The following FBXO36 variants were observed in gnomAD, a reference collection of about 807,000 sequenced individuals.
FBXO36 encodes F-box only protein 36.
FBXO36 carries 18 observed loss-of-function variants against 17.0 expected under a neutral mutation model. The ratio of observed to expected loss-of-function variants is 1.06; its 90% CI spans 0.73 to 1.57. The LOEUF is 1.57. Among genes scored for constraint, FBXO36 ranks in the 40% most tolerant of loss-of-function variants. The probability of loss-of-function intolerance (pLI) is 0.00; values close to 1 mark genes in which losing one functional copy is unlikely to be tolerated. For synonymous variants in FBXO36, 83 were observed against 85.3 expected (o/e 0.97, Z 0.15); for missense variants, 229 against 221.9 (o/e 1.03, Z -0.20).
At chr2:229,981,376 A>G (rs1371980498) in intron 2 of FBXO36, among the ~76,000 whole-genome samples, 1 of 152,088 alleles carries the variant, frequency 6.6e-6, no homozygotes, top group Admixed American at 6.6e-5. Context: ...TACCTGATAT[A>G]TGAACAGATT....
chr2:229,988,999 G>A (rs370485275), intron 2 of FBXO36, among the ~76,000 whole-genome samples: 2 of 151,888 alleles, frequency 1.3e-5, no homozygotes, highest in Non-Finnish European at 2.9e-5. Context: ...AAATTGGGTT[G>A]TTTCCAATCT....
At chr2:229,996,675 C>G in intron 2 of FBXO36, 76 bp from the exon 3 acceptor site, 1 of 1,452,704 alleles carries the variant, frequency 6.9e-7, no homozygotes, top group Non-Finnish European at 9.3e-7. Flanking sequence ...TGCCCTGAAG[C>G]TTGTATTTCA....
intron 1 of FBXO36, among the ~76,000 whole-genome samples, chr2:229,924,098 G>C (rs957675685): frequency 6.7e-5 from 10 of 148,176 alleles, no homozygotes; most frequent in Admixed American, 1.3e-4. Context: ...AGATTTGTTT[G>C]TTTATTTATC....
Position 229,996,737 on chromosome 2 carries a change from T to G in FBXO36, c.206-14T>G, listed in dbSNP as rs2077329515. On this transcript the variant is annotated splice_polypyrimidine_tract_variant and intron_variant, in intron 2 of 3. Coordinates refer to ENST00000283946, the MANE Select transcript of FBXO36 (RefSeq NM_174899.5). ...ACTGTATATGATAACCATGTTGGCT[T>G]CTTTGAATTACAGGTCAAACTGCCT... The G allele has an allele frequency of 1.3e-6, 2 of 1,599,598 alleles. No homozygotes were observed. The highest frequency in any genetic ancestry group is 1.7e-6 in the Non-Finnish European group (2 of 1,173,680).
intron 3 of FBXO36, among the ~76,000 whole-genome samples, chr2:230,004,242 CA>C (rs2077374893): frequency 1.3e-5 from 2 of 152,192 alleles, no homozygotes; most frequent in South Asian, 4.1e-4. Flanking sequence ...TTGCTTGCCC[CA>C]CCCCCTTGAC....
intron 2 of FBXO36, among the ~76,000 whole-genome samples, chr2:229,986,004 GC>G (rs1290604203): frequency 6.6e-6 from 1 of 152,120 alleles, no homozygotes; most frequent in African/African-American, 2.4e-5. Flanking sequence ...CCATGATTGT[GC>G]CACTATACTC....
At chr2:229,973,038 G>T (rs2077188884) in intron 1 of FBXO36, among the ~76,000 whole-genome samples, 2 of 151,568 alleles carry the variant, frequency 1.3e-5, no homozygotes, top group Admixed American at 1.3e-4. Context: ...CTCCAGCCTG[G>T]GACAGAGCAA....
At chr2:229,968,348 TTTAA>T (rs1397108931) in intron 1 of FBXO36, among the ~76,000 whole-genome samples, 9 of 152,190 alleles carry the variant, frequency 5.9e-5, no homozygotes, top group Admixed American at 2.6e-4. Context: ...ACTTTGATTG[TTTAA>T]TTATACATTT....
intron 2 of FBXO36, among the ~76,000 whole-genome samples, chr2:229,981,217 A>G (rs565796615): frequency 6.6e-6 from 1 of 152,272 alleles, no homozygotes; most frequent in Non-Finnish European, 1.5e-5. Flanking sequence ...AGTCAGGCGC[A>G]GTGGCTCACG....
intron 1 of FBXO36, among the ~76,000 whole-genome samples, chr2:229,932,585 G>A (rs2076944250): frequency 6.6e-6 from 1 of 152,122 alleles, no homozygotes; most frequent in African/African-American, 2.4e-5. Flanking sequence ...GGCTGAAGCA[G>A]GAGAATCGCT....
intron 3 of FBXO36, among the ~76,000 whole-genome samples, chr2:230,004,617 TAC>T (rs2077377220): frequency 6.6e-6 from 1 of 152,188 alleles, no homozygotes; most frequent in Non-Finnish European, 1.5e-5. Flanking sequence ...CATATACCGG[TAC>T]ACACACCCTT....
chr2:229,995,173 G>A (rs184018410), intron 2 of FBXO36, among the ~76,000 whole-genome samples: 197 of 152,180 alleles, frequency 1.3e-3, no homozygotes, highest in African/African-American at 4.4e-3. Flanking sequence ...GGTAATATGG[G>A]TTTATTGTAC....
chr2:229,940,641 C>T (rs1244443274), intron 1 of FBXO36, among the ~76,000 whole-genome samples: 1 of 152,168 alleles, frequency 6.6e-6, no homozygotes, highest in Non-Finnish European at 1.5e-5. Context: ...TCCAATACTA[C>T]TGGTGTCCTT....
chr2:229,940,934 C>G (rs1403526161), intron 1 of FBXO36, among the ~76,000 whole-genome samples: 1 of 152,106 alleles, frequency 6.6e-6, no homozygotes, highest in Non-Finnish European at 1.5e-5. Context: ...ACTTGATTCG[C>G]CTAAATATGT....
intron 1 of FBXO36, among the ~76,000 whole-genome samples, chr2:229,930,791 C>T (rs1404704188): frequency 2.6e-5 from 4 of 152,108 alleles, no homozygotes; most frequent in Admixed American, 6.6e-5. Flanking sequence ...TTCGCCACTG[C>T]ACCTGAGAAC....
intron 1 of FBXO36, among the ~76,000 whole-genome samples, chr2:229,975,668 G>T (rs191463247): frequency 2.4e-4 from 37 of 151,770 alleles, no homozygotes; most frequent in Non-Finnish European, 4.9e-4. Flanking sequence ...TAGAGACAGG[G>T]TCTCACTATG....
Position 229,976,307 on chromosome 2 carries a change from A to G in FBXO36, c.163A>G (p.Lys55Glu). 1 of 1,613,894 alleles carries G rather than the reference A, an allele frequency of 6.2e-7. No homozygotes were observed. The highest frequency in any genetic ancestry group is 8.5e-7 in the Non-Finnish European group (1 of 1,179,862). The change falls in exon 2 of 4, where the codon AAA becomes GAA. Residue 55 changes from lysine to glutamate, a missense_variant. Coordinates refer to ENST00000283946, the MANE Select transcript of FBXO36 (RefSeq NM_174899.5). Reference sequence around the variant, plus strand: ...TCGATCAACAAAACCTGGAGAAGCAAAAGAAACCCATGAAGACTTCCTAGA... The same window carrying G: ...TCGATCAACAAAACCTGGAGAAGCAGAAGAAACCCATGAAGACTTCCTAGA... ...EYRSTKPGEAKETHEDFLENS... is the reference protein window; with the variant it reads ...EYRSTKPGEAEETHEDFLENS...
At chr2:229,925,293 A>G (rs1460039197) in intron 1 of FBXO36, among the ~76,000 whole-genome samples, 1 of 152,048 alleles carries the variant, frequency 6.6e-6, no homozygotes, top group Admixed American at 6.6e-5. Flanking sequence ...CCCTCTTTTT[A>G]AAGTAAAATT....
chr2:229,975,236 C>T (rs1334097837), intron 1 of FBXO36, among the ~76,000 whole-genome samples: 2 of 152,076 alleles, frequency 1.3e-5, no homozygotes, highest in Admixed American at 6.6e-5. Flanking sequence ...CTTTTTCATG[C>T]ATCAAACTAA....
Sources: allele counts gnomAD v4.1 joint callset (sites outside exome capture counted in the v4.1 genomes callset), GRCh38; gene constraint gnomAD v4.1.1; transcripts MANE v1.5; gene names NCBI Gene and HGNC (gene_info 2026-07-23, HGNC 2026-07-21).